The following POR variants were observed in gnomAD, a reference collection of about 807,000 sequenced individuals.
The protein encoded by POR is NADPH--cytochrome P450 reductase.
A neutral mutation model predicts 84.0 loss-of-function variants in POR; 56 were observed. That is an observed-to-expected ratio of 0.67 (90% CI 0.54 to 0.83). POR has a LOEUF of 0.83. Ranked by LOEUF, POR falls within the 40% of genes least tolerant of loss-of-function variation. The pLI is 0.00. For synonymous variants in POR, 414 were observed against 400.5 expected (o/e 1.03, Z -0.40); for missense variants, 938 against 944.3 (o/e 0.99, Z 0.09).
intron 10 of POR, among the ~76,000 whole-genome samples, 190 bp from the exon 11 acceptor site, chr7:75,984,587 T>C (rs1019640439): frequency 6.6e-6 from 1 of 152,186 alleles, no homozygotes; most frequent in Non-Finnish European, 1.5e-5. Context: ...GAGGACTTCC[T>C]GTCTGGTTGG....
intron 1 of POR, among the ~76,000 whole-genome samples, chr7:75,917,119 G>C (rs1441532324): frequency 6.6e-6 from 1 of 151,690 alleles, no homozygotes; most frequent in African/African-American, 2.4e-5. Context: ...GCAGGCTGGA[G>C]TGCAGTGGCG....
chr7:75,982,332 G>C lies in POR; in HGVS notation c.830+10G>C, dbSNP rs372408038. The C allele has an allele frequency of 9.5e-5, 152 of 1,605,518 alleles. No individual in the cohort carries two copies. Among genetic ancestry groups the C allele is most frequent in the Non-Finnish European group, 1.2e-4 (146 of 1,175,962 alleles). ...ACGAGAACCAGAAGCCGTGAGTGGAGGGAGCGTGGCTTGGGGCAGACGGCT... is the reference window on the plus strand; with the variant it reads ...ACGAGAACCAGAAGCCGTGAGTGGACGGAGCGTGGCTTGGGGCAGACGGCT... On this transcript the variant is annotated intron_variant, in intron 8 of 15. Coordinates refer to ENST00000461988, the MANE Select transcript of POR (RefSeq NM_000941.3).
chr7:75,934,146 T>A, intron 1 of POR, among the ~76,000 whole-genome samples: 1 of 150,936 alleles, frequency 6.6e-6, no homozygotes, highest in African/African-American at 2.4e-5. Context: ...TGTGTGTGTG[T>A]GTGTGTGTGT....
intron 1 of POR, among the ~76,000 whole-genome samples, chr7:75,923,847 C>A (rs1554549134): frequency 1.3e-5 from 2 of 150,876 alleles, no homozygotes; most frequent in African/African-American, 4.9e-5. Context: ...AAGATCAGAC[C>A]TTTGTCCTCC....
At chr7:75,954,356 A>G (rs1277429681) in intron 2 of POR, among the ~76,000 whole-genome samples, 176 bp downstream of exon 2, 2 of 152,026 alleles carry the variant, frequency 1.3e-5, no homozygotes, top group Non-Finnish European at 2.9e-5. Context: ...ATCATCTCTT[A>G]TGTGGGGTTT....
intron 2 of POR, among the ~76,000 whole-genome samples, chr7:75,961,818 A>T (rs1787956890): frequency 1.3e-5 from 2 of 152,202 alleles, no homozygotes; most frequent in African/African-American, 4.8e-5. Context: ...GTTCGAGATC[A>T]GCCTGGGTAG....
chr7:75,976,728 CAA>C (rs1788713105), intron 3 of POR, among the ~76,000 whole-genome samples: 1 of 149,558 alleles, frequency 6.7e-6, no homozygotes, highest in African/African-American at 2.5e-5. Context: ...GCCTAGGCGA[CAA>C]GAGCAAAACT....
chr7:75,941,256 G>A (rs1408199678), intron 1 of POR, among the ~76,000 whole-genome samples: 1 of 152,180 alleles, frequency 6.6e-6, no homozygotes, highest in Non-Finnish European at 1.5e-5. Context: ...TGCCTCTTTA[G>A]GCCCTAAGTA....
intron 3 of POR, among the ~76,000 whole-genome samples, chr7:75,978,783 CAA>C: frequency 6.6e-6 from 1 of 151,854 alleles, no homozygotes; most frequent in Non-Finnish European, 1.5e-5. Flanking sequence ...CTTGGCCTCC[CAA>C]AGTGCTGGGA....
intron 1 of POR, among the ~76,000 whole-genome samples, chr7:75,943,474 C>G (rs532042442): frequency 3.3e-5 from 5 of 152,258 alleles, no homozygotes; most frequent in Non-Finnish European, 7.4e-5. Flanking sequence ...TCCATGAGAG[C>G]AGATACTGTT....
intron 1 of POR, among the ~76,000 whole-genome samples, chr7:75,939,806 C>T (rs1554551310): frequency 6.6e-6 from 1 of 152,044 alleles, no homozygotes; most frequent in East Asian, 1.9e-4. Context: ...CTGGGTTTCC[C>T]AATGTTGGCC....
intron 1 of POR, among the ~76,000 whole-genome samples, chr7:75,951,002 T>G (rs1256079942): frequency 7.3e-6 from 1 of 136,150 alleles, no homozygotes; most frequent in East Asian, 2.2e-4. Flanking sequence ...GAGGTTGCAG[T>G]GAGCCGAGAT....
At chr7:75,920,067 T>C (rs1246733953) in intron 1 of POR, among the ~76,000 whole-genome samples, 1 of 135,464 alleles carries the variant, frequency 7.4e-6, no homozygotes, top group African/African-American at 2.9e-5. Context: ...TTTTTTTTTT[T>C]TTTTTTTTTT....
Position 75,985,061 on chromosome 7 carries a change from C to G in POR, c.1252C>G (p.Leu418Val), listed in dbSNP as rs1240812540. 5.6e-6 allele frequency: 9 copies of G among 1,597,468 alleles called. No homozygotes were observed. Among genetic ancestry groups the G allele is most frequent in the Admixed American group, 1.7e-5 (1 of 59,850 alleles). Residue 418 changes from leucine to valine, a missense_variant, in exon 12 of 16, where the codon CTG becomes GTG. Leu to Val is a conservative substitution (Grantham distance 32). Transcript: ENST00000461988. The stretch of plus-strand genomic sequence containing the variant: ...ATCTCACCCCCGTGTCTCTTAGGAG[C>G]TGTACCTGAGCTGGGTGGTGGAGGC...
chr7:75,981,006 G>A lies in POR; in HGVS notation c.517-42G>A, dbSNP rs1298494423. ...CCCCCATGGCCCCTCCCACTGGTCAGGTCGAGGGCCAGGCCTCAGAGCGGC... is the reference window on the plus strand; with the variant it reads ...CCCCCATGGCCCCTCCCACTGGTCAAGTCGAGGGCCAGGCCTCAGAGCGGC... On this transcript the variant is annotated intron_variant, in intron 5 of 15. Transcript: ENST00000461988. 3 of 1,524,886 alleles carry A rather than the reference G, an allele frequency of 2.0e-6. No homozygotes were observed. In the East Asian group the frequency reaches 7.3e-5, roughly 37 times the overall value. The allele number at this position is 1,524,886 out of a possible 1,614,324, so 94.5% of individuals were successfully genotyped here. A position where few individuals can be genotyped will look rare whatever the true frequency, so the allele number is the denominator to read the frequency against.
At chr7:75,961,486 G>A (rs1787939110) in intron 2 of POR, among the ~76,000 whole-genome samples, 1 of 152,052 alleles carries the variant, frequency 6.6e-6, no homozygotes, top group African/African-American at 2.4e-5. Flanking sequence ...CTTTGCTCCT[G>A]GAATGCTAGA....
At chr7:75,968,070 G>T (rs1554555551) in intron 2 of POR, 1 of 455,350 alleles carries the variant, frequency 2.2e-6, no homozygotes, top group Admixed American at 2.3e-5. Context: ...CTGGAGCTGA[G>T]AGTGAGAAGC....
At chr7:75,950,483 G>A (rs1787364733) in intron 1 of POR, among the ~76,000 whole-genome samples, 1 of 152,174 alleles carries the variant, frequency 6.6e-6, no homozygotes, top group Admixed American at 6.6e-5. Flanking sequence ...ATAACAGCTA[G>A]ACAGCTAGGG....
At chr7:75,977,148 C>T (rs571223715) in intron 3 of POR, among the ~76,000 whole-genome samples, 1 of 152,130 alleles carries the variant, frequency 6.6e-6, no homozygotes, top group Non-Finnish European at 1.5e-5. Flanking sequence ...CCACGGCACC[C>T]GGCCGCGTAA....
Sources: gnomAD v4.1 joint callset for allele counts (sites outside exome capture counted in the v4.1 genomes callset) on GRCh38, gnomAD v4.1.1 for gene constraint, MANE v1.5 for transcripts, NCBI Gene and HGNC (gene_info 2026-07-23, HGNC 2026-07-21) for gene names.